Variants in EFCAB5 observed in about 807,000 individuals in gnomAD.
EFCAB5 encodes EF-hand calcium binding domain 5, also known as EF-hand calcium-binding domain-containing protein 5.
A neutral mutation model predicts 167.9 loss-of-function variants in EFCAB5; 131 were observed. The observed-to-expected ratio is 0.78, with a 90% CI of 0.68 to 0.90. The LOEUF is 0.90. EFCAB5 is among the 40% of genes least tolerant of loss of function. EFCAB5 has a pLI of 0.00. For missense variants in EFCAB5, 1,663 were observed against 1,745.2 expected (o/e 0.95, Z 0.84); for synonymous variants, 574 against 602.8 (o/e 0.95, Z 0.70).
upstream of EFCAB5, among the ~76,000 whole-genome samples, chr17:29,937,814 G>A (rs906855879): frequency 2.0e-5 from 3 of 152,118 alleles, no homozygotes; most frequent in South Asian, 6.2e-4. Context: ...TCTGGCCACC[G>A]CAAACCCCCA....
chr17:29,954,349 C>T (rs1567675600), intron 3 of EFCAB5, among the ~76,000 whole-genome samples: 1 of 152,132 alleles, frequency 6.6e-6, no homozygotes, highest in Non-Finnish European at 1.5e-5. Flanking sequence ...GGCCCAGGGA[C>T]CCCCTTGCTG....
chr17:30,095,400 A>G (rs2071274452), intron 22 of EFCAB5, among the ~76,000 whole-genome samples: 1 of 152,200 alleles, frequency 6.6e-6, no homozygotes, highest in Non-Finnish European at 1.5e-5. Context: ...CTTCCTCAAT[A>G]AAATGACACC....
chr17:29,934,274 C>T (rs2067227243), intron 1 of EFCAB5, among the ~76,000 whole-genome samples: 1 of 152,096 alleles, frequency 6.6e-6, no homozygotes, highest in Non-Finnish European at 1.5e-5. Context: ...CACAACAATT[C>T]AAAATTTAAA....
At chr17:29,940,957 T>C (rs900140363), upstream of EFCAB5, among the ~76,000 whole-genome samples, 3 of 151,710 alleles carry the variant, frequency 2.0e-5, no homozygotes, top group Non-Finnish European at 4.4e-5. Context: ...GGAGAATCAC[T>C]TGAACCCAGG....
Position 30,107,874 on chromosome 17 carries a change from C to A in EFCAB5, c.4362C>A (p.Val1454=). ...RTEVWKFGNV[V]IEHLYHWIHI... ...AAGTATGGAAATTTGGTAATGTTGT[C>A]ATTGAACATCTATACCACTGGATAC... Residue 1454 remains valine, a synonymous_variant, in exon 23 of 23, where the codon GTC becomes GTA. Coordinates refer to ENST00000394835, the MANE Select transcript of EFCAB5 (RefSeq NM_198529.4). 6.3e-7 allele frequency: 1 copy of A among 1,581,568 alleles called. No individual in the cohort carries two copies. Among genetic ancestry groups the A allele is most frequent in the South Asian group, 1.2e-5 (1 of 84,294 alleles).
At chr17:30,097,055 T>TATAC (rs1567777495) in intron 22 of EFCAB5, among the ~76,000 whole-genome samples, 1 of 53,726 alleles carries the variant, frequency 1.9e-5, no homozygotes, top group Admixed American at 1.9e-4. Flanking sequence ...TATACATATA[T>TATAC]ATATATTTTT....
At chr17:29,958,336 A>C (rs1230496668) in intron 3 of EFCAB5, among the ~76,000 whole-genome samples, 1 of 151,854 alleles carries the variant, frequency 6.6e-6, no homozygotes, top group Non-Finnish European at 1.5e-5. Flanking sequence ...GTTCTTTTTT[A>C]TAGTTTTGTC....
At chr17:30,042,287 G>A (rs1156890036) in intron 8 of EFCAB5, among the ~76,000 whole-genome samples, 1 of 152,162 alleles carries the variant, frequency 6.6e-6, no homozygotes, top group African/African-American at 2.4e-5. Context: ...GGGATTACAG[G>A]TGTGAGCCAC....
intron 14 of EFCAB5, among the ~76,000 whole-genome samples, chr17:30,062,806 C>T (rs1361530231): frequency 6.6e-6 from 1 of 152,170 alleles, no homozygotes; most frequent in Non-Finnish European, 1.5e-5. Context: ...CCTTCATTCC[C>T]TTGGGCCAAA....
intron 7 of EFCAB5, among the ~76,000 whole-genome samples, chr17:30,018,307 A>G (rs2069096919): frequency 1.3e-5 from 2 of 152,158 alleles, no homozygotes; most frequent in African/African-American, 4.8e-5. Flanking sequence ...AGAAAACAGA[A>G]AAGTCAGTGT....
At chr17:29,972,252 C>T (rs1445974524) in intron 4 of EFCAB5, among the ~76,000 whole-genome samples, 1 of 149,588 alleles carries the variant, frequency 6.7e-6, no homozygotes, top group Non-Finnish European at 1.5e-5. Flanking sequence ...GGTTTCACCG[C>T]CTTAGCCAGG....
intron 22 of EFCAB5, among the ~76,000 whole-genome samples, chr17:30,100,009 A>G (rs1380523604): frequency 6.6e-6 from 1 of 151,684 alleles, no homozygotes; most frequent in Non-Finnish European, 1.5e-5. Context: ...AAATCCCTAT[A>G]TTTTCTCTCC....
chr17:29,983,948 T>C (rs2068228358), intron 4 of EFCAB5, among the ~76,000 whole-genome samples: 1 of 151,896 alleles, frequency 6.6e-6, no homozygotes, highest in South Asian at 2.1e-4. Context: ...GATGGGAAAA[T>C]GACAGAAAAC....
chr17:30,058,660 A>G (rs772395410), intron 13 of EFCAB5, among the ~76,000 whole-genome samples: 1 of 152,178 alleles, frequency 6.6e-6, no homozygotes, highest in Non-Finnish European at 1.5e-5. Flanking sequence ...TTTAAAACAC[A>G]GCCATTTTTC....
intron 1 of EFCAB5, among the ~76,000 whole-genome samples, chr17:29,935,669 G>A (rs2067238680): frequency 6.6e-6 from 1 of 151,548 alleles, no homozygotes; most frequent in Admixed American, 6.6e-5. Context: ...AGAAATCTGA[G>A]GTATCACAAT....
intron 14 of EFCAB5, chr17:30,069,565 C>T (rs904331885): frequency 5.6e-6 from 9 of 1,613,222 alleles, no homozygotes; most frequent in East Asian, 2.2e-5. Context: ...CTGGCTTCCG[C>T]GTATGGATCC....
intron 3 of EFCAB5, among the ~76,000 whole-genome samples, chr17:29,963,461 T>C (rs2067763602): frequency 6.6e-6 from 1 of 152,226 alleles, no homozygotes; most frequent in South Asian, 2.1e-4. Flanking sequence ...GTTAATATTT[T>C]GTTGAGGATT....
intron 17 of EFCAB5, among the ~76,000 whole-genome samples, chr17:30,081,189 A>G (rs946590989): frequency 6.6e-6 from 1 of 152,214 alleles, no homozygotes; most frequent in African/African-American, 2.4e-5. Flanking sequence ...TTACATATCC[A>G]TGCCTCAGCC....
In EFCAB5 at chr17:30,069,476, G is replaced by T. The variant is rs561447671; in HGVS notation, c.2738-8739G>T. 1.4e-5 allele frequency: 23 copies of T among 1,586,714 alleles called. No individual in the cohort carries two copies. In the East Asian group the frequency reaches 4.9e-4, roughly 34 times the overall value. On this transcript the variant is annotated intron_variant, in intron 14 of 22. Coordinates refer to ENST00000394835, the MANE Select transcript of EFCAB5 (RefSeq NM_198529.4). ...GCAACAGGAAGCTGAGATTGATGGC[G>T]TTCACCAGTTAGTTGTGGGGGCAAC...
Sources: gnomAD v4.1 joint callset for allele counts (sites outside exome capture counted in the v4.1 genomes callset) on GRCh38, gnomAD v4.1.1 for gene constraint, MANE v1.5 for transcripts, NCBI Gene and HGNC (gene_info 2026-07-23, HGNC 2026-07-21) for gene names.